EIF3H: variants seen among roughly 807,000 people sequenced by gnomAD.
EIF3H encodes eukaryotic translation initiation factor 3 subunit H.
EIF3H carries 26 observed loss-of-function variants against 44.2 expected under a neutral mutation model. That is an observed-to-expected ratio of 0.59 (90% CI 0.43 to 0.82). The LOEUF is 0.82. Ranked by LOEUF, EIF3H falls within the 40% of genes least tolerant of loss-of-function variation. The pLI, the probability that EIF3H is intolerant of heterozygous loss-of-function variation, is 0.00. For synonymous variants in EIF3H, 166 were observed against 151.9 expected, an observed-to-expected ratio of 1.09 and a Z score of -0.68; for missense variants, 359 against 432.8, an observed-to-expected ratio of 0.83 and a Z score of 1.51.
intron 2 of EIF3H, among the ~76,000 whole-genome samples, chr8:116,664,528 T>A (rs1317961996): frequency 1.3e-5 from 2 of 152,198 alleles, no homozygotes; most frequent in South Asian, 2.1e-4. Context: ...TCCTCATTTT[T>A]AAAAAATCAT....
intron 2 of EIF3H, among the ~76,000 whole-genome samples, chr8:116,708,465 C>T (rs1270841039): frequency 6.6e-6 from 1 of 151,856 alleles, no homozygotes; most frequent in African/African-American, 2.4e-5. Flanking sequence ...AAAGACTATT[C>T]CACAGTATAG....
rs1813478394 is a variant in EIF3H at position 116,655,765 on chromosome 8, T to C, written c.707+91A>G. 3.8e-6 allele frequency: 5 copies of C among 1,329,494 alleles called. No homozygotes were observed. In the East Asian group the frequency reaches 6.9e-5, roughly 18 times the overall value. 82.4% of individuals were successfully genotyped at this position (1,329,494 alleles called of 1,614,324 possible). ...GAACCTATAAACGTTCTTAAGTAAC[T>C]GTTTTCTTGTTTCACAGGTAAAGTT... On this transcript the variant is annotated intron_variant, in intron 5 of 7. Transcript: ENST00000521861.
upstream of EIF3H, chr8:116,755,979 A>G (rs1815442237): frequency 1.0e-5 from 16 of 1,536,252 alleles, no homozygotes; most frequent in Non-Finnish European, 1.3e-5. Context: ...TCCTTTGTGC[A>G]TGCCTACTGT....
At chr8:116,683,725 A>C (rs1461659975) in intron 2 of EIF3H, among the ~76,000 whole-genome samples, 2 of 152,252 alleles carry the variant, frequency 1.3e-5, no homozygotes, top group Non-Finnish European at 2.9e-5. Flanking sequence ...ATAAGAAAAT[A>C]ATACCAAAGT....
rs1410215113 is a variant in EIF3H at position 116,755,783 on chromosome 8, C to T, written c.15G>A (p.Lys5=). Residue 5 remains lysine (K), a synonymous_variant, in exon 1 of 8, where the codon AAG becomes AAA. Coordinates refer to ENST00000521861, the MANE Select transcript of EIF3H (RefSeq NM_003756.3). ...AGGTGGCAGTAGAGCCGGTACCTTC[C>T]TTGCGGGACGCCATCTTTCCAAGCA... is the stretch of plus-strand genomic sequence containing the variant. MASR[K]EGTGSTATSS... 4 of 1,613,852 alleles carry T rather than the reference C, an allele frequency of 2.5e-6. No individual in the cohort carries two copies. Among genetic ancestry groups the T allele is most frequent in the South Asian group, 1.1e-5 (1 of 91,088 alleles).
intron 2 of EIF3H, among the ~76,000 whole-genome samples, chr8:116,664,042 G>C (rs532443126): frequency 6.6e-6 from 1 of 151,994 alleles, no homozygotes; most frequent in Non-Finnish European, 1.5e-5. Context: ...AAATTTGGAA[G>C]GATTATAAAA....
At chr8:116,760,986 A>G (rs1815513987) in intron 1 of EIF3H, among the ~76,000 whole-genome samples, 1 of 152,224 alleles carries the variant, frequency 6.6e-6, no homozygotes, top group African/African-American at 2.4e-5. Context: ...TTAATCTTCT[A>G]AAGTGCTTTG....
intron 2 of EIF3H, among the ~76,000 whole-genome samples, chr8:116,698,137 G>A (rs879354886): frequency 6.6e-6 from 1 of 151,994 alleles, no homozygotes; most frequent in Non-Finnish European, 1.5e-5. Context: ...CCATTATCAT[G>A]GCTACTAGGT....
rs1387344249 is a variant in EIF3H, at chr8:116,644,168, T to C, written c.*838A>G. 1 of 152,232 alleles carries C rather than the reference T, an allele frequency of 6.6e-6. No individual in the cohort carries two copies. Among genetic ancestry groups the C allele is most frequent in the African/African-American group, 2.4e-5 (1 of 41,418 alleles). 9.4% of individuals were successfully genotyped at this position (152,232 alleles called of 1,614,324 possible). ...ACTTTGGGAGACAGAAGCAGGTGAA[T>C]CACTTGAGGTCAGGAGATGCAGACC... On this transcript the variant is annotated 3_prime_UTR_variant, in exon 8 of 8. Transcript: ENST00000521861.
chr8:116,764,542 A>G (rs1330348490), intron 1 of EIF3H, among the ~76,000 whole-genome samples: 1 of 152,232 alleles, frequency 6.6e-6, no homozygotes, highest in Non-Finnish European at 1.5e-5. Flanking sequence ...TCCTCTTTGA[A>G]TAGTACCCCT....
At chr8:116,765,974 A>T (rs1815568452) in exon 1 of EIF3H, 1 of 152,250 alleles carries the variant, frequency 6.6e-6, no homozygotes, top group Non-Finnish European at 1.5e-5. Context: ...TGTAGCAAGA[A>T]CATTTGAACT....
intron 1 of EIF3H, among the ~76,000 whole-genome samples, chr8:116,750,364 T>C (rs1211424462): frequency 1.1e-4 from 4 of 36,928 alleles, no homozygotes; most frequent in Non-Finnish European, 1.9e-4. Flanking sequence ...GCTTACTGCT[T>C]TGAATAAGGA....
chr8:116,716,965 C>CA (rs1195878684), intron 2 of EIF3H, among the ~76,000 whole-genome samples: 20 of 151,500 alleles, frequency 1.3e-4, no homozygotes, highest in Non-Finnish European at 2.4e-4. Context: ...GTGGATGGCA[C>CA]AAAAAAAGAT....
chr8:116,666,086 A>G (rs992208621), intron 2 of EIF3H, among the ~76,000 whole-genome samples: 2 of 152,224 alleles, frequency 1.3e-5, no homozygotes, highest in African/African-American at 4.8e-5. Flanking sequence ...AGTGTCCAAT[A>G]TAAGTTCTAT....
intron 2 of EIF3H, among the ~76,000 whole-genome samples, chr8:116,697,612 A>AC (rs1244778331): frequency 2.0e-5 from 3 of 152,078 alleles, no homozygotes; most frequent in Non-Finnish European, 4.4e-5. Context: ...ATTTATGTTT[A>AC]CCCCCCTTAC....
At chr8:116,754,932 T>C (rs1317350096) in intron 1 of EIF3H, among the ~76,000 whole-genome samples, 1 of 152,228 alleles carries the variant, frequency 6.6e-6, no homozygotes, top group African/African-American at 2.4e-5. Flanking sequence ...GAAGAGAGGA[T>C]GCTTTTTAAA....
At chr8:116,665,548 C>CA (rs1433951428) in intron 2 of EIF3H, among the ~76,000 whole-genome samples, 1 of 151,666 alleles carries the variant, frequency 6.6e-6, no homozygotes, top group Non-Finnish European at 1.5e-5. Context: ...AGCAAGCAAA[C>CA]AAACAAAACC....
chr8:116,759,223 T>C (rs1815490024), upstream of EIF3H, among the ~76,000 whole-genome samples: 1 of 152,252 alleles, frequency 6.6e-6, no homozygotes, highest in Admixed American at 6.5e-5. Context: ...TTTAGCATAC[T>C]TCTCCAATTG....
chr8:116,706,945 T>C (rs1259245647), intron 2 of EIF3H, among the ~76,000 whole-genome samples: 1 of 152,206 alleles, frequency 6.6e-6, no homozygotes, highest in East Asian at 1.9e-4. Flanking sequence ...GGCTAAGCTA[T>C]GACGTTTGGT....
Sources: gnomAD v4.1 joint callset for allele counts (sites outside exome capture counted in the v4.1 genomes callset) on GRCh38, gnomAD v4.1.1 for gene constraint, MANE v1.5 for transcripts, NCBI Gene and HGNC (gene_info 2026-07-23, HGNC 2026-07-21) for gene names.